The following LMNA variants were observed in gnomAD, a reference collection of about 807,000 sequenced individuals.
The protein encoded by LMNA is lamin A/C.
Under a neutral mutation model 70.4 loss-of-function variants are expected in LMNA, and 20 were observed. The observed-to-expected ratio is 0.28, with a 90% CI of 0.20 to 0.41. The LOEUF is 0.41. Ranked by LOEUF, LMNA falls within the 10% of genes least tolerant of loss-of-function variation. LMNA has a pLI of 1.00. For synonymous variants in LMNA, 339 were observed against 372.8 expected, an observed-to-expected ratio of 0.91 and a Z score of 1.04; for missense variants, 652 against 917.2, an observed-to-expected ratio of 0.71 and a Z score of 3.73.
chr1:156,095,872 C>T (rs550259772), intron 3 of LMNA, among the ~76,000 whole-genome samples: 2 of 152,204 alleles, frequency 1.3e-5, no homozygotes, highest in Non-Finnish European at 2.9e-5. Flanking sequence ...CCCTTCCAGG[C>T]GGGTAACTGT....
At chr1:156,083,772 C>CG (rs1199403428) in intron 2 of LMNA, among the ~76,000 whole-genome samples, 1 of 152,014 alleles carries the variant, frequency 6.6e-6, no homozygotes, top group African/African-American at 2.4e-5. Flanking sequence ...AGTGAGACTC[C>CG]GTCCCCCCCA....
chr1:156,087,683 A>T lies in LMNA; in HGVS notation c.-318-2788A>T, dbSNP rs1212831294. Among the ~76,000 whole-genome samples the T allele has an allele frequency of 2.0e-5, 3 of 151,786 alleles. No individual in the cohort carries two copies. In the East Asian group the frequency reaches 5.8e-4, roughly 29 times the overall value. On this transcript the variant is annotated intron_variant, in intron 2 of 12. Transcript: ENST00000368301. ...ATCCTCCCACCTCAGCCTCTCCAAT[A>T]GCTGAACCACAGGCACATGCTGCCA...
At position 156,139,810 on chromosome 1, in the gene LMNA, A is replaced by G; in HGVS notation, c.*704A>G. 1 of 1,531,830 alleles carries G rather than the reference A, an allele frequency of 6.5e-7. No homozygotes were observed. The highest frequency in any genetic ancestry group is 8.7e-7 in the Non-Finnish European group (1 of 1,145,062). The allele number at this position is 1,531,830 out of a possible 1,614,324, so 94.9% of individuals were successfully genotyped here. A position where few individuals can be genotyped will look rare whatever the true frequency, so the allele number is the denominator to read the frequency against. On this transcript the variant is annotated 3_prime_UTR_variant, in exon 12 of 12. Coordinates refer to ENST00000368300, the MANE Select transcript of LMNA (RefSeq NM_170707.4). ...GAGGTGGGAGGTGGAAGAAGGGAGA[A>G]GAAAGGTGAGTTTGAGCTGCCTTCC...
At position 156,137,999 on chromosome 1, in the gene LMNA, G is replaced by A; in HGVS notation, c.1698+256G>A. The A allele has an allele frequency of 1.4e-6, 1 of 719,780 alleles. No homozygotes were observed. The highest frequency in any genetic ancestry group is 2.2e-6 in the Non-Finnish European group (1 of 451,248). 44.6% of individuals were successfully genotyped at this position (719,780 alleles called of 1,614,324 possible). On this transcript the variant is annotated intron_variant, in intron 10 of 11. Coordinates refer to ENST00000368300, the MANE Select transcript of LMNA (RefSeq NM_170707.4). This position sits in a 1 kb window ranked among gnomAD's most constrained non-coding sequence, Gnocchi z 4.6. ...CATGGAATATTCCTGTGGGAGCAGT[G>A]GACAAGGGTCTGGATTTGTCTTCTG...
At position 156,139,813 on chromosome 1, in the gene LMNA, A is replaced by G. The variant is rs1038556505; in HGVS notation, c.*707A>G. ...GTGGGAGGTGGAAGAAGGGAGAAGA[A>G]AGGTGAGTTTGAGCTGCCTTCCCTA... On this transcript the variant is annotated 3_prime_UTR_variant, in exon 12 of 12. Coordinates refer to ENST00000368300, the MANE Select transcript of LMNA (RefSeq NM_170707.4). 2.6e-6 allele frequency: 4 copies of G among 1,531,210 alleles called. No individual in the cohort carries two copies. Among genetic ancestry groups the G allele is most frequent in the Non-Finnish European group, 3.5e-6 (4 of 1,144,856 alleles). The allele number at this position is 1,531,210 out of a possible 1,614,324, so 94.9% of individuals were successfully genotyped here.
intron 1 of LMNA, chr1:156,127,050 G>A (rs1475104085): frequency 4.4e-5 from 38 of 857,354 alleles, no homozygotes; most frequent in South Asian, 2.3e-4. Context: ...AACCCAGCAC[G>A]GGGACGGCAC....
At chr1:156,124,736 G>C (rs570292285) in intron 1 of LMNA, among the ~76,000 whole-genome samples, 3 of 152,308 alleles carry the variant, frequency 2.0e-5, no homozygotes, top group South Asian at 2.1e-4. Context: ...GCCGGGTTGG[G>C]GGGGAGGTAG....
chr1:156,107,746 C>T (rs1649403810), intron 3 of LMNA, among the ~76,000 whole-genome samples: 1 of 152,164 alleles, frequency 6.6e-6, no homozygotes, highest in Non-Finnish European at 1.5e-5. Flanking sequence ...GAAATCTACT[C>T]AGCTGTGCTA....
At position 156,124,070 on chromosome 1, in the gene LMNA, T is replaced by C. The variant is rs1411202632; in HGVS notation, c.357-6547T>C. ...AGAGGCCTCAGACCCTAGGCATATT[T>C]GGCTGTTTGGCAGGTGTCACGCCCA... On this transcript the variant is annotated intron_variant, in intron 1 of 11. Coordinates refer to ENST00000368300, the MANE Select transcript of LMNA (RefSeq NM_170707.4). Among the ~76,000 whole-genome samples, 13 of 152,308 alleles carry C rather than the reference T, an allele frequency of 8.5e-5. No individual in the cohort carries two copies. In the East Asian group the frequency reaches 2.3e-3, roughly 27 times the overall value.
At position 156,136,086 on chromosome 1, in the gene LMNA, C is replaced by A; in HGVS notation, c.1122C>A (p.His374Gln). ...DIKLALDMEIHAYRKLLEGEE... is the reference protein window; with the variant it reads ...DIKLALDMEIQAYRKLLEGEE... ...AGCTGGCCCTGGACATGGAGATCCA[C>A]GCCTACCGCAAGCTCTTGGAGGGCG... Residue 374 changes from histidine (H) to glutamine (Q), a missense_variant, in exon 6 of 12, where the codon CAC becomes CAA. Coordinates refer to ENST00000368300, the MANE Select transcript of LMNA (RefSeq NM_170707.4). The surrounding 1 kb of genome is among the most constrained non-coding windows in gnomAD (Gnocchi z 6.1). 1 of 1,614,046 alleles carries A rather than the reference C, an allele frequency of 6.2e-7. No homozygotes were observed. Among genetic ancestry groups the A allele is most frequent in the Non-Finnish European group, 8.5e-7 (1 of 1,180,038 alleles).
At chr1:156,099,867 CAAAAAAAAAAAAAA>C (rs57524097) in intron 3 of LMNA, among the ~76,000 whole-genome samples, 1 of 100,268 alleles carries the variant, frequency 1.0e-5, no homozygotes, top group East Asian at 2.6e-4. Context: ...GCCTGGGTGA[CAAAAAAAAAAAAAA>C]AAAAAAGAAA....
rs1244685383 is a variant in LMNA at position 156,139,184 on chromosome 1, C to T, written c.*78C>T. The T allele has an allele frequency of 1.5e-5, 24 of 1,609,378 alleles. No individual in the cohort carries two copies. The highest frequency in any genetic ancestry group is 2.2e-5 in the South Asian group (2 of 90,890). On this transcript the variant is annotated 3_prime_UTR_variant, in exon 12 of 12. Transcript: ENST00000368300. ...CCTCATGCCCACCCCCTGCCCTGCA[C>T]GTCATGGGAGGGGGCTTGAAGCCAA...
chr1:156,137,369 C>A lies in LMNA; in HGVS notation c.1608+137C>A. On this transcript the variant is annotated intron_variant, in intron 9 of 11. Transcript: ENST00000368300. This position sits in a 1 kb window ranked among gnomAD's most constrained non-coding sequence, Gnocchi z 4.6. ...TCTCTGTTGCAGGCTCCAGACTTCT[C>A]CACCCAGTAGGCAAACCAAAAGATG... 3 of 1,186,062 alleles carry A rather than the reference C, an allele frequency of 2.5e-6. No homozygotes were observed. Among genetic ancestry groups the A allele is most frequent in the Non-Finnish European group, 3.6e-6 (3 of 832,536 alleles). The allele number at this position is 1,186,062 out of a possible 1,614,324, so 73.5% of individuals were successfully genotyped here.
In LMNA at chr1:156,135,489, G is replaced by A; in HGVS notation, c.936+177G>A. 1 of 801,582 alleles carries A rather than the reference G, an allele frequency of 1.2e-6. No homozygotes were observed. The highest frequency in any genetic ancestry group is 2.0e-6 in the Non-Finnish European group (1 of 489,954). 49.7% of individuals were successfully genotyped at this position (801,582 alleles called of 1,614,324 possible). A position where few individuals can be genotyped will look rare whatever the true frequency, so the allele number is the denominator to read the frequency against. On this transcript the variant is annotated intron_variant, in intron 5 of 11. Coordinates refer to ENST00000368300, the MANE Select transcript of LMNA (RefSeq NM_170707.4). This position sits in a 1 kb window ranked among gnomAD's most constrained non-coding sequence, Gnocchi z 4.8. ...GGATGTGGAGTCAGATGGCCTGTGT[G>A]CTGTTTCTGTACACTCTTACCTCAC...
chr1:156,084,335 T>TGG (rs1491154815), intron 2 of LMNA, among the ~76,000 whole-genome samples: 11 of 91,704 alleles, frequency 1.2e-4, no homozygotes, highest in Non-Finnish European at 9.6e-5. Context: ...GGTCGGGGGG[T>TGG]GGTGGGGGCA....
intron 2 of LMNA, among the ~76,000 whole-genome samples, chr1:156,083,772 CG>C (rs1457701274): frequency 6.6e-6 from 1 of 152,014 alleles, no homozygotes; most frequent in East Asian, 1.9e-4. Flanking sequence ...AGTGAGACTC[CG>C]TCCCCCCCAC....
chr1:156,126,046 C>T (rs923188772), intron 1 of LMNA: 16 of 429,632 alleles, frequency 3.7e-5, no homozygotes, highest in Non-Finnish European at 5.3e-5. Flanking sequence ...TAAAATTAAA[C>T]AAATTAGATG....
At chr1:156,083,370 G>T (rs529482173) in intron 2 of LMNA, among the ~76,000 whole-genome samples, 70 of 152,280 alleles carry the variant, frequency 4.6e-4, no homozygotes, top group African/African-American at 1.5e-3. Context: ...CTTTGGATAT[G>T]ACAGGAGGGA....
Position 156,139,805 on chromosome 1 carries a change from G to A in LMNA, c.*699G>A. 1 of 1,532,482 alleles carries A rather than the reference G, an allele frequency of 6.5e-7. No homozygotes were observed. Among genetic ancestry groups the A allele is most frequent in the Non-Finnish European group, 8.7e-7 (1 of 1,145,420 alleles). 94.9% of individuals were successfully genotyped at this position (1,532,482 alleles called of 1,614,324 possible). A position where few individuals can be genotyped will look rare whatever the true frequency, so the allele number is the denominator to read the frequency against. On this transcript the variant is annotated 3_prime_UTR_variant, in exon 12 of 12. Coordinates refer to ENST00000368300, the MANE Select transcript of LMNA (RefSeq NM_170707.4). ...GGAATGAGGTGGGAGGTGGAAGAAG[G>A]GAGAAGAAAGGTGAGTTTGAGCTGC...
Sources: gnomAD v4.1 joint callset for allele counts (sites outside exome capture counted in the v4.1 genomes callset) on GRCh38, gnomAD v4.1.1 for gene constraint, Gnocchi (gnomAD v3.1) non-coding constraint, MANE v1.5 for transcripts, NCBI Gene and HGNC (gene_info 2026-07-23, HGNC 2026-07-21) for gene names.